The following RNF150 variants were observed in gnomAD, a reference collection of about 807,000 sequenced individuals.
RNF150 encodes ring finger protein 150.
In RNF150, 24 loss-of-function variants were observed where a neutral mutation model predicts 39.3. The observed-to-expected ratio is 0.61, with a 90% CI of 0.44 to 0.86. RNF150 has a LOEUF of 0.86. Ranked by LOEUF, RNF150 falls within the 40% of genes least tolerant of loss-of-function variation. The pLI is 0.00. For missense variants in RNF150, 502 were observed against 587.8 expected, an observed-to-expected ratio of 0.85 and a Z score of 1.51; for synonymous variants, 255 against 227.3, an observed-to-expected ratio of 1.12 and a Z score of -1.10.
chr4:141,038,099 C>T (rs541649892), intron 1 of RNF150, among the ~76,000 whole-genome samples: 2 of 152,286 alleles, frequency 1.3e-5, no homozygotes, highest in African/African-American at 2.4e-5. Flanking sequence ...AGGTTAGTCA[C>T]ATCTAGTCCT....
chr4:140,886,842 G>A (rs928011974), intron 6 of RNF150, among the ~76,000 whole-genome samples: 1 of 152,086 alleles, frequency 6.6e-6, no homozygotes, highest in African/African-American at 2.4e-5. Context: ...TCAATGGTTC[G>A]CTTTTTAAGT....
intron 6 of RNF150, among the ~76,000 whole-genome samples, chr4:140,881,171 T>C (rs1382330702): frequency 2.0e-5 from 3 of 152,046 alleles, no homozygotes; most frequent in African/African-American, 7.2e-5. Flanking sequence ...TTGTACTTTT[T>C]TTTTTTTTTA....
intron 1 of RNF150, among the ~76,000 whole-genome samples, chr4:141,052,525 G>A (rs1055102678): frequency 2.6e-5 from 4 of 151,924 alleles, no homozygotes; most frequent in African/African-American, 7.3e-5. Context: ...ATAGGCATGC[G>A]CCACCATGCC....
chr4:140,902,937 G>C (rs1009805538), intron 6 of RNF150, among the ~76,000 whole-genome samples: 1 of 152,182 alleles, frequency 6.6e-6, no homozygotes, highest in Non-Finnish European at 1.5e-5. Flanking sequence ...CGGGGAGAAA[G>C]CTAAGGGCAC....
chr4:141,110,616 T>C (rs1394157604), intron 1 of RNF150, among the ~76,000 whole-genome samples: 2 of 145,078 alleles, frequency 1.4e-5, no homozygotes, highest in African/African-American at 5.7e-5. Flanking sequence ...TCTTGCTATG[T>C]TGACCAGGAT....
chr4:141,089,813 C>T (rs1410899823), intron 1 of RNF150, among the ~76,000 whole-genome samples: 10 of 152,150 alleles, frequency 6.6e-5, no homozygotes, highest in Admixed American at 2.0e-4. Context: ...CTCTTACTTT[C>T]GTTCTACTTT....
intron 4 of RNF150, among the ~76,000 whole-genome samples, chr4:140,935,315 G>A (rs1731821760): frequency 1.3e-5 from 2 of 151,662 alleles, no homozygotes; most frequent in Non-Finnish European, 1.5e-5. Context: ...TCATTTTATA[G>A]TGTGTCTCAC....
At chr4:141,071,426 A>C (rs1168752235) in intron 1 of RNF150, among the ~76,000 whole-genome samples, 1 of 152,092 alleles carries the variant, frequency 6.6e-6, no homozygotes, top group Non-Finnish European at 1.5e-5. Context: ...TTTCCAGTTT[A>C]ATTTTTAAGA....
intron 1 of RNF150, among the ~76,000 whole-genome samples, chr4:140,995,488 C>A (rs1197021787): frequency 6.6e-6 from 1 of 152,086 alleles, no homozygotes; most frequent in Non-Finnish European, 1.5e-5. Context: ...CAGGTCATTG[C>A]CATAGAAAGC....
intron 1 of RNF150, among the ~76,000 whole-genome samples, chr4:141,145,209 T>C (rs1356846568): frequency 6.6e-6 from 1 of 152,168 alleles, no homozygotes; most frequent in East Asian, 1.9e-4. Flanking sequence ...GTTACATAAG[T>C]TTTTTAATGG....
At chr4:140,937,303 C>T (rs1239462555) in intron 4 of RNF150, among the ~76,000 whole-genome samples, 1 of 152,060 alleles carries the variant, frequency 6.6e-6, no homozygotes, top group Admixed American at 6.6e-5. Context: ...CTCTGTTGTC[C>T]AGGCTGGAGT....
At chr4:140,919,417 G>A (rs1393858881) in intron 5 of RNF150, among the ~76,000 whole-genome samples, 2 of 139,868 alleles carry the variant, frequency 1.4e-5, no homozygotes, top group Middle Eastern at 7.2e-3. Flanking sequence ...GCCAAATCAT[G>A]AGTGAACTCC....
Position 140,863,376 on chromosome 4 carries a change from T to C in RNF150, c.*4885A>G, listed in dbSNP as rs1728566615. On this transcript the variant is annotated 3_prime_UTR_variant, in exon 7 of 7. Transcript: ENST00000515673. ...GCGATACAACTGGTGATGTGAGAAG[T>C]GAAAATGAAACTGACTCCTTTAGGG... The C allele has an allele frequency of 6.6e-6, 1 of 152,064 alleles. No individual in the cohort carries two copies. Among genetic ancestry groups the C allele is most frequent in the Admixed American group, 6.5e-5 (1 of 15,268 alleles). The allele number at this position is 152,064 out of a possible 1,614,324, so 9.4% of individuals were successfully genotyped here.
intron 1 of RNF150, among the ~76,000 whole-genome samples, chr4:141,146,837 A>C (rs1027133982): frequency 6.6e-6 from 1 of 152,200 alleles, no homozygotes; most frequent in Non-Finnish European, 1.5e-5. Flanking sequence ...TTAAGGAATC[A>C]ATCAACAATA....
chr4:140,979,425 A>G (rs535612669), intron 1 of RNF150, among the ~76,000 whole-genome samples: 41 of 152,236 alleles, frequency 2.7e-4, no homozygotes, highest in African/African-American at 9.9e-4. Flanking sequence ...CTTCAGGTTC[A>G]TTATTTTCAC....
At chr4:141,051,066 C>T (rs955793510) in intron 1 of RNF150, among the ~76,000 whole-genome samples, 1 of 152,208 alleles carries the variant, frequency 6.6e-6, no homozygotes, top group Non-Finnish European at 1.5e-5. Context: ...TGTGCACCCA[C>T]AGGCTCAGCA....
At chr4:140,919,567 C>T (rs1731012710) in intron 5 of RNF150, among the ~76,000 whole-genome samples, 1 of 151,088 alleles carries the variant, frequency 6.6e-6, no homozygotes, top group African/African-American at 2.4e-5. Context: ...ACATTCCATG[C>T]TCATGGGTAG....
At chr4:141,006,197 TATATATATACACAC>T (rs932624730) in intron 1 of RNF150, among the ~76,000 whole-genome samples, 2 of 150,254 alleles carry the variant, frequency 1.3e-5, no homozygotes, top group African/African-American at 4.9e-5. Context: ...GGAAGGAAAT[TATATATATACACAC>T]ATATATATAC....
chr4:141,112,089 A>G (rs764211847), intron 1 of RNF150, among the ~76,000 whole-genome samples: 10 of 152,334 alleles, frequency 6.6e-5, no homozygotes, highest in Admixed American at 2.6e-4. Flanking sequence ...ATTTTTGACT[A>G]AGAGGAATAA....
Sources: gnomAD v4.1 joint callset for allele counts (sites outside exome capture counted in the v4.1 genomes callset) on GRCh38, gnomAD v4.1.1 for gene constraint, MANE v1.5 for transcripts, NCBI Gene and HGNC (gene_info 2026-07-23, HGNC 2026-07-21) for gene names.